ANO5: variants seen among roughly 807,000 people sequenced by gnomAD.
ANO5 encodes anoctamin 5.
ANO5 carries 109 observed loss-of-function variants against 121.0 expected under a neutral mutation model. The observed-to-expected ratio is 0.90, with a 90% CI of 0.77 to 1.06. The LOEUF is 1.06. Ranked by LOEUF, ANO5 falls within the 50% of genes least tolerant of loss-of-function variation. The probability of loss-of-function intolerance (pLI) is 0.00; values close to 1 mark genes in which losing one functional copy is unlikely to be tolerated. For synonymous variants in ANO5, 406 were observed against 359.9 expected, an observed-to-expected ratio of 1.13 and a Z score of -1.45; for missense variants, 1,064 against 1,078.5, an observed-to-expected ratio of 0.99 and a Z score of 0.19.
chr11:22,250,971 T>A lies in ANO5; in HGVS notation c.1140T>A (p.Asn380Lys). Residue 380 changes from asparagine to lysine, a missense_variant, in exon 12 of 22, where the codon AAT (asparagine) becomes AAA (lysine). Coordinates refer to ENST00000324559, the MANE Select transcript of ANO5 (RefSeq NM_213599.3). Reference sequence around the variant, plus strand: ...TACAGTTCTCCCATTTGTTTGATAATGAGTCAACAGTGTTCTTTGCAATAT... The same window carrying A: ...TACAGTTCTCCCATTTGTTTGATAAAGAGTCAACAGTGTTCTTTGCAATAT... Reference protein sequence around the residue: ...LASKFSHLFDNESTVFFAIFM... With the variant: ...LASKFSHLFDKESTVFFAIFM... 1 of 1,612,660 alleles carries A rather than the reference T, an allele frequency of 6.2e-7. No homozygotes were observed. The highest frequency in any genetic ancestry group is 8.5e-7 in the Non-Finnish European group (1 of 1,179,476).
chr11:22,204,752 T>A (rs1196600028), intron 2 of ANO5, among the ~76,000 whole-genome samples: 1 of 151,840 alleles, frequency 6.6e-6, no homozygotes, highest in Non-Finnish European at 1.5e-5. Context: ...TTGGTGGGAG[T>A]GTACATTAGT....
At chr11:22,259,859 T>A in intron 15 of ANO5, 118 bp downstream of exon 15, 1 of 1,059,698 alleles carries the variant, frequency 9.4e-7, no homozygotes, top group South Asian at 1.4e-5. Flanking sequence ...AAGGCAGTTT[T>A]TCTCTATAAA....
intron 8 of ANO5, among the ~76,000 whole-genome samples, 167 bp from the exon 9 acceptor site, chr11:22,239,402 T>C (rs1424309628): frequency 6.6e-6 from 1 of 152,072 alleles, no homozygotes; most frequent in Non-Finnish European, 1.5e-5. Flanking sequence ...ATTTAATAAA[T>C]AAATATTATT....
At chr11:22,204,070 T>C (rs921129838) in intron 2 of ANO5, among the ~76,000 whole-genome samples, 1 of 152,084 alleles carries the variant, frequency 6.6e-6, no homozygotes, top group Non-Finnish European at 1.5e-5. Flanking sequence ...TTGATTTGTT[T>C]TGAGGCTCCC....
intron 16 of ANO5, 114 bp downstream of exon 16, chr11:22,262,412 C>G: frequency 9.3e-7 from 1 of 1,073,354 alleles, no homozygotes; most frequent in Non-Finnish European, 1.4e-6. Flanking sequence ...TATCTAGGCA[C>G]TGACTCTATC....
Position 22,270,242 on chromosome 11 carries a change from A to G in ANO5, c.1899-70A>G, listed in dbSNP as rs1854556878. 5 of 1,576,522 alleles carry G rather than the reference A, an allele frequency of 3.2e-6. No homozygotes were observed. The Admixed American group carries it at 8.5e-5, about 27-fold the overall frequency. On this transcript the variant is annotated intron_variant, in intron 17 of 21. Transcript: ENST00000324559. The stretch of plus-strand genomic sequence containing the variant: ...CTAATTTCTGCCAGTTTCCAGATCT[A>G]ACACTCTGATTCTCTGATCGCTTTC...
chr11:22,262,043 G>A, intron 15 of ANO5, 86 bp from the exon 16 acceptor site: 1 of 1,304,636 alleles, frequency 7.7e-7, no homozygotes, highest in Non-Finnish European at 1.1e-6. Flanking sequence ...AGAATGATGT[G>A]ACTAGATGTT....
chr11:22,199,253 A>G (rs1205752842), intron 1 of ANO5, among the ~76,000 whole-genome samples: 1 of 152,194 alleles, frequency 6.6e-6, no homozygotes, highest in Non-Finnish European at 1.5e-5. Context: ...AACAATATCA[A>G]CAAGAATAAC....
intron 9 of ANO5, among the ~76,000 whole-genome samples, chr11:22,243,953 G>A (rs1301128157): frequency 2.0e-5 from 3 of 152,006 alleles, no homozygotes; most frequent in Admixed American, 6.6e-5. Flanking sequence ...TCATCATGTC[G>A]TTAGCTTGTT....
At chr11:22,274,224 G>A (rs2133793397) in intron 19 of ANO5, among the ~76,000 whole-genome samples, 1 of 151,422 alleles carries the variant, frequency 6.6e-6, no homozygotes, top group Middle Eastern at 3.4e-3. Context: ...GTTAGTCTAA[G>A]AAAGTTAATT....
chr11:22,216,146 A>C (rs1852435275), intron 3 of ANO5, among the ~76,000 whole-genome samples: 1 of 151,916 alleles, frequency 6.6e-6, no homozygotes, highest in Admixed American at 6.6e-5. Context: ...TATTATGAAC[A>C]TTCATGTAAG....
At chr11:22,252,512 A>G (rs914419269) in intron 12 of ANO5, among the ~76,000 whole-genome samples, 30 of 152,130 alleles carry the variant, frequency 2.0e-4, no homozygotes, top group Non-Finnish European at 1.5e-5. Context: ...ATATTTACTG[A>G]CCATTGGCTC....
intron 1 of ANO5, among the ~76,000 whole-genome samples, chr11:22,193,926 G>C (rs914210099): frequency 6.6e-6 from 1 of 152,224 alleles, no homozygotes. Flanking sequence ...AAAAGCAGCA[G>C]TATAGAGTGC....
chr11:22,270,275 T>G (rs1202578858), intron 17 of ANO5, 37 bp from the exon 18 acceptor site: 4 of 1,612,824 alleles, frequency 2.5e-6, no homozygotes, highest in Non-Finnish European at 3.4e-6. Context: ...TTCTTTTTGG[T>G]CCTATTTCAT....
chr11:22,192,692 C>CT (rs1479953264), upstream of ANO5, among the ~76,000 whole-genome samples: 1 of 152,192 alleles, frequency 6.6e-6, no homozygotes, highest in Non-Finnish European at 1.5e-5. Context: ...TCGGGACCCC[C>CT]TTTGGGGATC....
At chr11:22,273,604 G>A in intron 19 of ANO5, among the ~76,000 whole-genome samples, 1 of 151,808 alleles carries the variant, frequency 6.6e-6, no homozygotes, top group Non-Finnish European at 1.5e-5. Flanking sequence ...AAAGAAGACT[G>A]GAAAATAAGC....
Position 22,281,806 on chromosome 11 carries a change from A to G in ANO5, c.*2041A>G, listed in dbSNP as rs996551366. On this transcript the variant is annotated 3_prime_UTR_variant, in exon 22 of 22. Coordinates refer to ENST00000324559, the MANE Select transcript of ANO5 (RefSeq NM_213599.3). ...AGTTTTAAAATATACCAACTAAATTATTGGGTTTCTGGAAGTGAATGGAGA... is the reference window on the plus strand; with the variant it reads ...AGTTTTAAAATATACCAACTAAATTGTTGGGTTTCTGGAAGTGAATGGAGA... 1 of 152,132 alleles carries G rather than the reference A, an allele frequency of 6.6e-6. No individual in the cohort carries two copies. The highest frequency in any genetic ancestry group is 2.4e-5 in the African/African-American group (1 of 41,458). 9.4% of individuals were successfully genotyped at this position (152,132 alleles called of 1,614,324 possible).
At chr11:22,253,154 C>T (rs983823305) in intron 12 of ANO5, among the ~76,000 whole-genome samples, 1 of 152,096 alleles carries the variant, frequency 6.6e-6, no homozygotes, top group African/African-American at 2.4e-5. Flanking sequence ...ATCTATAAGG[C>T]CCAAACCAAG....
At chr11:22,234,960 T>C (rs1200400906) in intron 7 of ANO5, among the ~76,000 whole-genome samples, 2 of 152,100 alleles carry the variant, frequency 1.3e-5, no homozygotes, top group African/African-American at 4.8e-5. Context: ...TATTGTGATG[T>C]ATAGCAGCTC....
Sources: allele counts gnomAD v4.1 joint callset (sites outside exome capture counted in the v4.1 genomes callset), GRCh38; gene constraint gnomAD v4.1.1; transcripts MANE v1.5; gene names NCBI Gene and HGNC (gene_info 2026-07-23, HGNC 2026-07-21).